The following ATP13A4 variants were observed in gnomAD, a reference collection of about 807,000 sequenced individuals.
The protein encoded by ATP13A4 is probable cation-transporting ATPase 13A4.
A neutral mutation model predicts 142.5 loss-of-function variants in ATP13A4; 114 were observed. The observed-to-expected ratio is 0.80, with a 90% CI of 0.69 to 0.93. The LOEUF is 0.93. Among genes scored for constraint, ATP13A4 ranks in the 40% least tolerant of loss-of-function variants. The pLI is 0.00. For missense variants in ATP13A4, 1,392 were observed against 1,454.0 expected (o/e 0.96, Z 0.69); for synonymous variants, 488 against 514.8 (o/e 0.95, Z 0.70).
intron 9 of ATP13A4, among the ~76,000 whole-genome samples, chr3:193,468,928 C>A (rs940577919): frequency 6.6e-6 from 1 of 152,162 alleles, no homozygotes; most frequent in Admixed American, 6.5e-5. Flanking sequence ...TGTCTTTTGG[C>A]CACTGTAAGT....
chr3:193,444,008 GA>G (rs201230600), intron 18 of ATP13A4, among the ~76,000 whole-genome samples: 8 of 150,242 alleles, frequency 5.3e-5, no homozygotes, highest in South Asian at 2.1e-4. Context: ...GGTTGAAAAA[GA>G]AAAAAAAATT....
rs113123567 is a variant in ATP13A4 at position 193,417,768 on chromosome 3, G to A, written c.2843-3018C>T. On this transcript the variant is annotated intron_variant, in intron 25 of 29. Transcript: ENST00000342695. ...CGGGAGGCCGAGGCAGGTGGATCAC[G>A]AGGTCAGGAGATCGAGACCATCCTG... Among the ~76,000 whole-genome samples, 91 of 147,132 alleles carry A rather than the reference G, an allele frequency of 6.2e-4. 3 individuals carry two copies. Among genetic ancestry groups the A allele is most frequent in the African/African-American group, 2.2e-3 (86 of 39,834 alleles).
intron 1 of ATP13A4, among the ~76,000 whole-genome samples, chr3:193,519,424 G>C (rs1408278680): frequency 1.3e-5 from 2 of 151,920 alleles, no homozygotes; most frequent in African/African-American, 4.8e-5. Flanking sequence ...CCAGCCACGA[G>C]GACTCTTTCC....
chr3:193,582,642 ATGTATATTACATAC>A lies in ATP13A4; in HGVS notation n.92-750_92-737del, dbSNP rs1408696001. 1.5e-4 allele frequency among the ~76,000 whole-genome samples: 13 copies of A among 88,482 alleles called. 1 individual carries two copies. Among genetic ancestry groups the A allele is most frequent in the African/African-American group, 6.2e-4 (11 of 17,788 alleles). The allele number at this position is 88,482 out of a possible 152,430, so 58.0% of individuals were successfully genotyped here. A position where few individuals can be genotyped will look rare whatever the true frequency, so the allele number is the denominator to read the frequency against. ...TATATGTATATTACATACATTATAT[ATGTATATTACATAC>A]ATTATATATGTATATTACATATATA... is the stretch of plus-strand genomic sequence containing the variant. On this transcript the variant is annotated intron_variant and non_coding_transcript_variant, in intron 1 of 3. Transcript: ENST00000489140.
chr3:193,431,573 T>C (rs1171299446), intron 25 of ATP13A4, among the ~76,000 whole-genome samples: 1 of 151,826 alleles, frequency 6.6e-6, no homozygotes, highest in Admixed American at 6.6e-5. Flanking sequence ...CACATTTCTT[T>C]TCAGTAAAGT....
chr3:193,429,737 C>T (rs1008384978), intron 25 of ATP13A4, among the ~76,000 whole-genome samples: 1 of 151,438 alleles, frequency 6.6e-6, no homozygotes, highest in Admixed American at 6.6e-5. Flanking sequence ...ATTCATGTCC[C>T]TAAATTATAC....
At chr3:193,414,874 CTG>C (rs1714975056) in intron 25 of ATP13A4, 124 bp from the exon 26 acceptor site, 5 of 912,290 alleles carry the variant, frequency 5.5e-6, no homozygotes, top group Non-Finnish European at 7.0e-6. Context: ...ACATCACAAA[CTG>C]AGGGAATAAA....
rs572018159 is a variant in ATP13A4 at position 193,492,966 on chromosome 3, T to C, written c.484A>G (p.Ile162Val). Residue 162 changes from isoleucine (I) to valine (V), a missense_variant, in exon 5 of 30, where the codon ATA becomes GTA. Ile to Val is a conservative substitution (Grantham distance 29). Coordinates refer to ENST00000342695, the MANE Select transcript of ATP13A4 (RefSeq NM_032279.4). ...SLEDWLSSAKIHQKFGSGLTR... is the reference protein window; with the variant it reads ...SLEDWLSSAKVHQKFGSGLTR... ...AAGCCTGATCCAAATTTTTGATGTATCTTGGCAGAACTAAGCCAGTCTTCC... is the reference window on the plus strand; with the variant it reads ...AAGCCTGATCCAAATTTTTGATGTACCTTGGCAGAACTAAGCCAGTCTTCC... 6.3e-5 allele frequency: 101 copies of C among 1,611,396 alleles called. No individual in the cohort carries two copies. Among genetic ancestry groups the C allele is most frequent in the Admixed American group, 1.8e-4 (11 of 59,958 alleles).
chr3:193,455,990 G>C (rs116401924), intron 16 of ATP13A4, among the ~76,000 whole-genome samples: 2,915 of 152,156 alleles, frequency 0.019, 38 homozygotes, highest in Non-Finnish European at 0.027. Context: ...ATGGACATAG[G>C]GGGGAACAAC....
At chr3:193,421,517 C>T (rs1354059815) in intron 25 of ATP13A4, among the ~76,000 whole-genome samples, 2 of 149,696 alleles carry the variant, frequency 1.3e-5, no homozygotes, top group African/African-American at 4.9e-5. Flanking sequence ...CAGAATATCC[C>T]AATACTGTTA....
At chr3:193,581,293 T>C (rs1044283246) in intron 2 of ATP13A4, among the ~76,000 whole-genome samples, 1 of 152,134 alleles carries the variant, frequency 6.6e-6, no homozygotes, top group Non-Finnish European at 1.5e-5. Flanking sequence ...TAATCTGTAG[T>C]GTTATTTTTT....
intron 9 of ATP13A4, among the ~76,000 whole-genome samples, chr3:193,468,354 G>T (rs990377043): frequency 6.6e-6 from 1 of 152,200 alleles, no homozygotes; most frequent in Non-Finnish European, 1.5e-5. Context: ...GCTGGGCTGG[G>T]TATCCAATTG....
intron 7 of ATP13A4, among the ~76,000 whole-genome samples, chr3:193,486,000 C>T (rs1015933579): frequency 8.1e-4 from 122 of 150,892 alleles, no homozygotes; most frequent in African/African-American, 2.9e-3. Context: ...AAAATAATGC[C>T]ATTCTCCTGC....
chr3:193,446,092 G>A (rs1303617674), intron 18 of ATP13A4, among the ~76,000 whole-genome samples: 1 of 152,172 alleles, frequency 6.6e-6, no homozygotes, highest in East Asian at 1.9e-4. Context: ...GAGCCCAGGA[G>A]TTCAAGGCTG....
In ATP13A4 at chr3:193,489,109, G is replaced by A. The variant is rs183195153; in HGVS notation, c.738+621C>T. On this transcript the variant is annotated intron_variant, in intron 7 of 29. Transcript: ENST00000342695. ...AAGAGTGGAATATGAGAAGATGGGC[G>A]TCTCAGACACCAGAGGACAGAGATG... Among the ~76,000 whole-genome samples, 65 of 152,228 alleles carry A rather than the reference G, an allele frequency of 4.3e-4. 1 individual carries two copies. The highest frequency in any genetic ancestry group is 7.0e-4 in the African/African-American group (29 of 41,544).
At chr3:193,495,522 G>C (rs1358480626) in intron 3 of ATP13A4, among the ~76,000 whole-genome samples, 2 of 152,012 alleles carry the variant, frequency 1.3e-5, no homozygotes, top group African/African-American at 4.8e-5. Flanking sequence ...AAAAGCATTT[G>C]ACAAAATTCA....
intron 17 of ATP13A4, among the ~76,000 whole-genome samples, chr3:193,452,794 A>AATAT (rs1560197136): frequency 1.4e-5 from 2 of 147,560 alleles, no homozygotes; most frequent in Non-Finnish European, 3.0e-5. Flanking sequence ...TATATATATA[A>AATAT]TATTATCTTA....
At chr3:193,489,653 T>C (rs1027138202) in intron 7 of ATP13A4, 77 bp downstream of exon 7, 5 of 1,481,010 alleles carry the variant, frequency 3.4e-6, no homozygotes, top group Non-Finnish European at 4.7e-6. Context: ...TATTTCCTGA[T>C]TCTCCTTTCT....
At chr3:193,529,894 C>T (rs1401556717) in intron 1 of ATP13A4, among the ~76,000 whole-genome samples, 1 of 152,144 alleles carries the variant, frequency 6.6e-6, no homozygotes, top group Non-Finnish European at 1.5e-5. Context: ...CATATAATAG[C>T]ACCCATAGAA....
Sources: gnomAD v4.1 joint callset for allele counts (sites outside exome capture counted in the v4.1 genomes callset) on GRCh38, gnomAD v4.1.1 for gene constraint, MANE v1.5 for transcripts, NCBI Gene and HGNC (gene_info 2026-07-23, HGNC 2026-07-21) for gene names.